The following SYNDIG1 variants were observed in gnomAD, a reference collection of about 807,000 sequenced individuals.
SYNDIG1 encodes synapse differentiation-inducing gene protein 1.
Under a neutral mutation model 19.4 loss-of-function variants are expected in SYNDIG1, and 9 were observed. The ratio of observed to expected loss-of-function variants is 0.46; its 90% CI spans 0.28 to 0.81. SYNDIG1 has a LOEUF of 0.81. Ranked by LOEUF, SYNDIG1 falls within the 30% of genes least tolerant of loss-of-function variation. The pLI is 0.12. For missense variants in SYNDIG1, 311 were observed against 343.3 expected (o/e 0.91, Z 0.74); for synonymous variants, 141 against 145.9 (o/e 0.97, Z 0.24).
chr20:24,585,960 A>G (rs6114784), intron 3 of SYNDIG1, among the ~76,000 whole-genome samples: 3,849 of 152,314 alleles, frequency 0.025, 123 homozygotes, highest in African/African-American at 0.074. Context: ...TTCGTCTGAA[A>G]CAGATTTCCT....
At chr20:24,600,266 GTTTA>G (rs1328856528) in intron 3 of SYNDIG1, among the ~76,000 whole-genome samples, 3 of 152,178 alleles carry the variant, frequency 2.0e-5, no homozygotes, top group Non-Finnish European at 2.9e-5. Context: ...GAGTCTTTGT[GTTTA>G]TTTATTTGTT....
intron 1 of SYNDIG1, among the ~76,000 whole-genome samples, chr20:24,500,522 CTTT>C (rs760617747): frequency 1.6e-4 from 21 of 131,260 alleles, no homozygotes; most frequent in Admixed American, 6.4e-4. Context: ...TTCTTTCTTT[CTTT>C]CTTTCTTCTT....
At chr20:24,529,439 G>C (rs185520181) in intron 1 of SYNDIG1, among the ~76,000 whole-genome samples, 1 of 152,036 alleles carries the variant, frequency 6.6e-6, no homozygotes, top group Non-Finnish European at 1.5e-5. Context: ...AATATTTTAG[G>C]CTTCATGGAC....
intron 3 of SYNDIG1, among the ~76,000 whole-genome samples, chr20:24,662,804 G>T (rs2059615730): frequency 1.3e-5 from 2 of 152,246 alleles, no homozygotes; most frequent in African/African-American, 2.4e-5. Context: ...AGACAGGGAA[G>T]GAAAACCAGC....
At chr20:24,615,996 A>G (rs1426776391) in intron 3 of SYNDIG1, among the ~76,000 whole-genome samples, 3 of 152,198 alleles carry the variant, frequency 2.0e-5, no homozygotes, top group Non-Finnish European at 4.4e-5. Context: ...AACACACGGC[A>G]GAGTTTGTTG....
intron 3 of SYNDIG1, among the ~76,000 whole-genome samples, chr20:24,604,258 C>A (rs1477457538): frequency 6.6e-6 from 1 of 152,132 alleles, no homozygotes; most frequent in Non-Finnish European, 1.5e-5. Context: ...CAGAGTGACT[C>A]CATCTTGAAC....
intron 3 of SYNDIG1, among the ~76,000 whole-genome samples, chr20:24,600,070 A>G (rs1170922485): frequency 6.6e-6 from 1 of 152,262 alleles, no homozygotes; most frequent in Non-Finnish European, 1.5e-5. Context: ...AAGTTATGCT[A>G]CAGTATACAG....
rs767492736 is a variant in SYNDIG1 at position 24,654,272 on chromosome 20, GA to G, written c.619-11072del. ...CCATGGAAAAAAAAAAATGAAACCTGAACAAATGGGTGAGGGTCAGGGGAAG... is the reference window on the plus strand; with the variant it reads ...CCATGGAAAAAAAAAAATGAAACCTGACAAATGGGTGAGGGTCAGGGGAAG... On this transcript the variant is annotated intron_variant, in intron 3 of 3. Coordinates refer to ENST00000376862, the MANE Select transcript of SYNDIG1 (RefSeq NM_024893.3). Among the ~76,000 whole-genome samples the G allele has an allele frequency of 3.6e-4, 54 of 152,032 alleles. 1 individual carries two copies. In the East Asian group the frequency reaches 6.4e-3, roughly 18 times the overall value.
At chr20:24,618,354 AG>A (rs1568689473) in intron 3 of SYNDIG1, among the ~76,000 whole-genome samples, 1 of 69,428 alleles carries the variant, frequency 1.4e-5, no homozygotes, top group African/African-American at 5.7e-5. Context: ...GATCCCGGGG[AG>A]GGGGGAGAGC....
At chr20:24,567,134 A>ATGG (rs2058059225) in intron 2 of SYNDIG1, among the ~76,000 whole-genome samples, 1 of 152,110 alleles carries the variant, frequency 6.6e-6, no homozygotes, top group Non-Finnish European at 1.5e-5. Context: ...AGGCTTGCGG[A>ATGG]TGGTTTGAAG....
chr20:24,642,370 T>C (rs1192587356), intron 3 of SYNDIG1, among the ~76,000 whole-genome samples: 1 of 152,022 alleles, frequency 6.6e-6, no homozygotes, highest in Non-Finnish European at 1.5e-5. Context: ...AGAGGGATTG[T>C]CAGGGCCTCC....
chr20:24,653,795 G>A (rs975175787), intron 3 of SYNDIG1, among the ~76,000 whole-genome samples: 1 of 152,218 alleles, frequency 6.6e-6, no homozygotes, highest in African/African-American at 2.4e-5. Flanking sequence ...TTCTCCTGAG[G>A]CCACTCTCCT....
intron 3 of SYNDIG1, among the ~76,000 whole-genome samples, chr20:24,661,390 A>AAAAG (rs2059587660): frequency 1.1e-4 from 2 of 17,620 alleles, no homozygotes; most frequent in South Asian, 1.9e-3. Context: ...GAGGGAGGAA[A>AAAAG]GAGGGAGGAG....
intron 1 of SYNDIG1, among the ~76,000 whole-genome samples, chr20:24,483,950 A>G (rs559156804): frequency 1.3e-5 from 2 of 152,282 alleles, no homozygotes; most frequent in South Asian, 2.1e-4. Context: ...CTGGAGGAGT[A>G]GAAATAAGGG....
chr20:24,543,031 TC>T lies in SYNDIG1; in HGVS notation c.-64del, dbSNP rs2057496723. On this transcript the variant is annotated 5_prime_UTR_variant, in exon 2 of 4. It introduces an in-frame stop codon into an upstream open reading frame of the 5' UTR. Transcript: ENST00000376862. ...TTCTCCTCCTCCAGGAGAAATGGCT[TC>T]CCTGAGGCAAGTGTAACCTACATTC... is the stretch of plus-strand genomic sequence containing the variant. 2 of 1,556,636 alleles carry T rather than the reference TC, an allele frequency of 1.3e-6. No individual in the cohort carries two copies. The highest frequency in any genetic ancestry group is 4.5e-5 in the East Asian group (2 of 44,294).
chr20:24,471,775 A>G (rs2055471561), intron 1 of SYNDIG1, among the ~76,000 whole-genome samples: 2 of 152,130 alleles, frequency 1.3e-5, no homozygotes, highest in Admixed American at 1.3e-4. Context: ...GAGGCCACAG[A>G]GTTTTGGAAG....
chr20:24,635,931 C>G (rs1180023156), intron 3 of SYNDIG1, among the ~76,000 whole-genome samples: 1 of 152,142 alleles, frequency 6.6e-6, no homozygotes, highest in Non-Finnish European at 1.5e-5. Context: ...TTCTGTATCT[C>G]AATGTTTTCA....
intron 3 of SYNDIG1, among the ~76,000 whole-genome samples, chr20:24,663,878 G>A (rs1259760412): frequency 3.3e-5 from 5 of 152,168 alleles, no homozygotes; most frequent in African/African-American, 1.2e-4. Flanking sequence ...CTAAGGAAAG[G>A]CAATTACAGG....
rs2057495661 is a variant in SYNDIG1 at position 24,542,946 on chromosome 20, C to G, written c.-78-74C>G. 7 of 1,188,716 alleles carry G rather than the reference C, an allele frequency of 5.9e-6. No homozygotes were observed. In the South Asian group the frequency reaches 8.9e-5, roughly 15 times the overall value. The allele number at this position is 1,188,716 out of a possible 1,614,324, so 73.6% of individuals were successfully genotyped here. On this transcript the variant is annotated intron_variant, in intron 1 of 3. Coordinates refer to ENST00000376862, the MANE Select transcript of SYNDIG1 (RefSeq NM_024893.3). ...ATCAGCTGGCTGGTACAGTCTGAAA[C>G]AATGTGGGTCTGGGTGATTAGCTTG...
Sources: allele counts gnomAD v4.1 joint callset (sites outside exome capture counted in the v4.1 genomes callset), GRCh38; gene constraint gnomAD v4.1.1; transcripts MANE v1.5; gene names NCBI Gene and HGNC (gene_info 2026-07-23, HGNC 2026-07-21).